The following ZNF536 variants were observed in gnomAD, a reference collection of about 807,000 sequenced individuals.
The protein encoded by ZNF536 is zinc finger protein 536.
Under a neutral mutation model 84.5 loss-of-function variants are expected in ZNF536, and 13 were observed. The ratio of observed to expected loss-of-function variants is 0.15; its 90% CI spans 0.10 to 0.24. ZNF536 has a LOEUF of 0.24. ZNF536 is among the 10% of genes least tolerant of loss of function. The probability of loss-of-function intolerance (pLI) is 1.00; values close to 1 mark genes in which losing one functional copy is unlikely to be tolerated. For missense variants in ZNF536, 1,536 were observed against 1,747.5 expected (o/e 0.88, Z 2.16); for synonymous variants, 811 against 742.5 (o/e 1.09, Z -1.50).
chr19:30,549,208 C>T lies in ZNF536; in HGVS notation c.3589C>T (p.Leu1197Phe), dbSNP rs987139834. The T allele has an allele frequency of 6.2e-7, 1 of 1,614,110 alleles. No individual in the cohort carries two copies. The highest frequency in any genetic ancestry group is 1.3e-5 in the African/African-American group (1 of 75,078). ...AATGATGACCAAGCCACTGTCTGCC[C>T]TCAGCAAAGACAGCAGCAGCGATGG... ...PEMMTKPLSA[L>F]SKDSSSDGGD... The change falls in exon 4 of 5, where the codon CTC (leucine) becomes TTC (phenylalanine). Residue 1197 changes from leucine to phenylalanine, a missense_variant. Around this residue, in one of 8 missense-constraint regions of ZNF536, gnomAD observed 624 missense variants for 603.1 expected, o/e 1.03. Transcript: ENST00000355537.
At chr19:30,494,708 G>A (rs1192128112) in intron 2 of ZNF536, among the ~76,000 whole-genome samples, 1 of 152,118 alleles carries the variant, frequency 6.6e-6, no homozygotes, top group Admixed American at 6.5e-5. Context: ...CACTTTGGGA[G>A]GCTAAGGTGG....
intron 1 of ZNF536, among the ~76,000 whole-genome samples, chr19:30,260,154 T>C (rs930604274): frequency 6.6e-6 from 1 of 152,180 alleles, no homozygotes; most frequent in Non-Finnish European, 1.5e-5. Context: ...TCTTGAAAAA[T>C]GTAGAGGTGA....
At chr19:30,338,917 A>C (rs1378794331) in intron 2 of ZNF536, among the ~76,000 whole-genome samples, 1 of 152,170 alleles carries the variant, frequency 6.6e-6, no homozygotes, top group Non-Finnish European at 1.5e-5. Context: ...TGCCTGCTGC[A>C]GAAGGCCATT....
intron 1 of ZNF536, among the ~76,000 whole-genome samples, chr19:30,666,329 CA>C (rs1384292303): frequency 6.6e-6 from 1 of 152,172 alleles, no homozygotes; most frequent in Admixed American, 6.5e-5. Flanking sequence ...CTTCTCACAT[CA>C]GAAGCTGGCC....
intron 2 of ZNF536, among the ~76,000 whole-genome samples, chr19:30,479,407 A>G (rs1187952192): frequency 6.6e-6 from 1 of 152,196 alleles, no homozygotes; most frequent in Admixed American, 6.5e-5. Flanking sequence ...TAAATCAGAT[A>G]AGCCTGGAAA....
At chr19:30,350,716 G>A (rs1273036733) in intron 2 of ZNF536, among the ~76,000 whole-genome samples, 2 of 152,182 alleles carry the variant, frequency 1.3e-5, no homozygotes, top group Non-Finnish European at 2.9e-5. Context: ...AAATTTAAGT[G>A]TTAATTTTTA....
At chr19:30,289,321 T>C (rs1288836162) in intron 2 of ZNF536, among the ~76,000 whole-genome samples, 1 of 152,262 alleles carries the variant, frequency 6.6e-6, no homozygotes, top group East Asian at 1.9e-4. Flanking sequence ...AGTATCTTGC[T>C]GATAAATTAC....
intron 2 of ZNF536, among the ~76,000 whole-genome samples, chr19:30,473,248 T>C (rs1230685375): frequency 6.6e-6 from 1 of 151,940 alleles, no homozygotes; most frequent in Non-Finnish European, 1.5e-5. Context: ...GGTAGAATGT[T>C]CTGGGGATAT....
chr19:30,645,313 T>C (rs1170266668), intron 1 of ZNF536, among the ~76,000 whole-genome samples: 1 of 152,224 alleles, frequency 6.6e-6, no homozygotes, highest in African/African-American at 2.4e-5. Context: ...TCCCATTCTG[T>C]AGGTTGCCTG....
chr19:30,383,042 C>A lies in ZNF536; in HGVS notation c.-3+10486C>A, dbSNP rs548570499. On this transcript the variant is annotated intron_variant, in intron 1 of 4. Coordinates refer to ENST00000355537, the MANE Select transcript of ZNF536 (RefSeq NM_014717.3). Reference sequence around the variant, plus strand: ...TGGTGGTCCACGCCTGCAAGCCCAGCACTTTGGAAGGTCAAGGTGGGCGGA... The same window carrying A: ...TGGTGGTCCACGCCTGCAAGCCCAGAACTTTGGAAGGTCAAGGTGGGCGGA... Among the ~76,000 whole-genome samples, 49 of 152,266 alleles carry A rather than the reference C, an allele frequency of 3.2e-4. 4 individuals are homozygous for A. In the South Asian group the frequency reaches 9.8e-3, roughly 30 times the overall value.
chr19:30,449,582 G>A (rs1199772960), intron 2 of ZNF536, among the ~76,000 whole-genome samples: 2 of 152,234 alleles, frequency 1.3e-5, no homozygotes, highest in Non-Finnish European at 2.9e-5. Flanking sequence ...TAATTTTGGA[G>A]TGGGGATAAT....
chr19:30,593,145 G>T (rs987462956), intron 1 of ZNF536, among the ~76,000 whole-genome samples: 3 of 152,154 alleles, frequency 2.0e-5, no homozygotes, highest in African/African-American at 7.2e-5. Context: ...CCCACAACTG[G>T]AGGCCTACCT....
In ZNF536 at chr19:30,704,606, C is replaced by A. The variant is rs1056643079; in HGVS notation, c.170-6151C>A. On this transcript the variant is annotated intron_variant, in intron 1 of 1. Coordinates refer to the ZNF536 transcript ENST00000592773. ...AGGTTGCAGTGAGCTGAGATCGTGC[C>A]ATTGCACTCCAGCCTGGGCAACAAG... Among the ~76,000 whole-genome samples the A allele has an allele frequency of 3.7e-5, 5 of 135,286 alleles. No individual in the cohort carries two copies. In the East Asian group the frequency reaches 9.2e-4, roughly 25 times the overall value. 88.8% of individuals were successfully genotyped at this position (135,286 alleles called of 152,430 possible).
chr19:30,630,980 C>T (rs1313226089), intron 1 of ZNF536, among the ~76,000 whole-genome samples: 2 of 152,196 alleles, frequency 1.3e-5, no homozygotes, highest in African/African-American at 2.4e-5. Context: ...GGCCGAGGCT[C>T]GCTCCTAGAT....
intron 2 of ZNF536, among the ~76,000 whole-genome samples, chr19:30,498,319 T>C (rs1187978755): frequency 6.6e-6 from 1 of 152,166 alleles, no homozygotes; most frequent in African/African-American, 2.4e-5. Flanking sequence ...GCCATTATCC[T>C]CAGCAAACTA....
chr19:30,476,499 C>T (rs138655701), intron 2 of ZNF536, among the ~76,000 whole-genome samples: 12 of 152,312 alleles, frequency 7.9e-5, no homozygotes, highest in African/African-American at 2.9e-4. Flanking sequence ...CGATGAGAAT[C>T]GGCCTCTGAT....
At position 30,443,861 on chromosome 19, in the gene ZNF536, T is replaced by C. The variant is rs149579708; in HGVS notation, c.299T>C (p.Val100Ala). ...GTGGACACCAGCCTCAACGGGAGGGTGGACTTGCAGCAGTTCCTCAACGGG... is the reference window on the plus strand; with the variant it reads ...GTGGACACCAGCCTCAACGGGAGGGCGGACTTGCAGCAGTTCCTCAACGGG... The part of the protein sequence containing the change: ...REVDTSLNGR[V>A]DLQQFLNGQN... Residue 100 changes from valine to alanine, a missense_variant, in exon 2 of 5, where the codon GTG becomes GCG. Val to Ala is a moderately conservative substitution (Grantham distance 64, BLOSUM62 0). Around this residue, in one of 8 missense-constraint regions of ZNF536, gnomAD observed 161 missense variants for 178.5 expected, o/e 0.90. Coordinates refer to ENST00000355537, the MANE Select transcript of ZNF536 (RefSeq NM_014717.3). 6 of 1,613,194 alleles carry C rather than the reference T, an allele frequency of 3.7e-6. No individual in the cohort carries two copies. The highest frequency in any genetic ancestry group is 2.7e-5 in the African/African-American group (2 of 74,866).
At chr19:30,257,936 G>A (rs1198593889) in intron 1 of ZNF536, among the ~76,000 whole-genome samples, 1 of 152,214 alleles carries the variant, frequency 6.6e-6, no homozygotes, top group Non-Finnish European at 1.5e-5. Context: ...TCAACATTGA[G>A]TACACAAGCA....
At chr19:30,448,673 G>A (rs929364136) in intron 2 of ZNF536, among the ~76,000 whole-genome samples, 23 of 151,990 alleles carry the variant, frequency 1.5e-4, no homozygotes, top group Non-Finnish European at 7.4e-5. Context: ...TTTATAAATC[G>A]CTGCTCTTAA....
Sources: allele counts gnomAD v4.1 joint callset (sites outside exome capture counted in the v4.1 genomes callset), GRCh38; gene constraint gnomAD v4.1.1; regional missense constraint gnomAD v4.1.1; transcripts MANE v1.5; gene names NCBI Gene and HGNC (gene_info 2026-07-23, HGNC 2026-07-21).